Variants in PLPPR2 observed in about 807,000 individuals in gnomAD.
PLPPR2 encodes phospholipid phosphatase-related protein type 2.
Under a neutral mutation model 40.3 loss-of-function variants are expected in PLPPR2, and 11 were observed. That is an observed-to-expected ratio of 0.27 (90% CI 0.17 to 0.45). The LOEUF is 0.45. Among genes scored for constraint, PLPPR2 ranks in the 20% least tolerant of loss-of-function variants. The pLI is 1.00. For synonymous variants in PLPPR2, 260 were observed against 290.8 expected (o/e 0.89, Z 1.08); for missense variants, 497 against 640.7 (o/e 0.78, Z 2.42).
chr19:11,364,491 C>CGCCCACCCCCAGCCAGG lies in PLPPR2; in HGVS notation c.1165_1181dup (p.Ser395ProfsTer39). ...TTGCCCCTGCCCCTACCCCTGCCAG[C>CGCCCACCCCCAGCCAGG]GCCCACCCCCAGCCAGGGCCCCTCG... On this transcript the variant is annotated frameshift_variant, in exon 10 of 10. Coordinates refer to ENST00000688289, the MANE Select transcript of PLPPR2 (RefSeq NM_001393892.1). LOFTEE classifies it high-confidence loss of function. The surrounding 1 kb of genome is among the most constrained non-coding windows in gnomAD (Gnocchi z 5.8). 6.6e-7 allele frequency: 1 copy of CGCCCACCCCCAGCCAGG among 1,516,430 alleles called. No individual in the cohort carries two copies. Among genetic ancestry groups the CGCCCACCCCCAGCCAGG allele is most frequent in the Non-Finnish European group, 8.8e-7 (1 of 1,137,136 alleles). The allele number at this position is 1,516,430 out of a possible 1,614,324, so 93.9% of individuals were successfully genotyped here.
Position 11,361,183 on chromosome 19 carries a change from G to A in PLPPR2, c.392-34G>A. 1.3e-6 allele frequency: 2 copies of A among 1,567,042 alleles called. No individual in the cohort carries two copies. Reference sequence around the variant, plus strand: ...GGAATCAGTGGGAGCATCAGGGCCTGGCGCATGAACCCCTTCCACTATCCC... The same window carrying A: ...GGAATCAGTGGGAGCATCAGGGCCTAGCGCATGAACCCCTTCCACTATCCC... On this transcript the variant is annotated intron_variant, in intron 5 of 9. Transcript: ENST00000688289. The surrounding 1 kb of genome is among the most constrained non-coding windows in gnomAD (Gnocchi z 6.3).
At position 11,359,671 on chromosome 19, in the gene PLPPR2, T is replaced by C; in HGVS notation, c.206T>C (p.Val69Ala). 1 of 1,611,212 alleles carries C rather than the reference T, an allele frequency of 6.2e-7. No homozygotes were observed. Among genetic ancestry groups the C allele is most frequent in the Middle Eastern group, 1.7e-4 (1 of 6,048 alleles). The change falls in exon 4 of 10, where the codon GTG becomes GCG. Residue 69 changes from valine (V) to alanine (A), a missense_variant. Physicochemically the swap from Val to Ala is moderately conservative, Grantham distance 64. Transcript: ENST00000688289. This position sits in a 1 kb window ranked among gnomAD's most constrained non-coding sequence, Gnocchi z 5.6. ...PYPGPEAASR[V>A]PPALVYALVT... ...CCAGGGCCTGAGGCTGCCAGCCGAG[T>C]GCCTCCTGCTCTTGTCTACGCACTG...
intron 1 of PLPPR2, among the ~76,000 whole-genome samples, chr19:11,356,510 T>C (rs1479035863): frequency 6.6e-6 from 1 of 152,020 alleles, no homozygotes; most frequent in East Asian, 1.9e-4. Context: ...GAGCCCACTG[T>C]GTGTGAGTAT....
Position 11,363,932 on chromosome 19 carries a change from G to C in PLPPR2, c.963+97G>C, listed in dbSNP as rs1415771516. 6.9e-7 allele frequency: 1 copy of C among 1,450,278 alleles called. No individual in the cohort carries two copies. The highest frequency in any genetic ancestry group is 1.4e-5 in the African/African-American group (1 of 70,814). The allele number at this position is 1,450,278 out of a possible 1,614,324, so 89.8% of individuals were successfully genotyped here. ...AGTCAGGCAAGAGGTGGGGGTCTCA[G>C]AACCATGGGGAAGTGGAGGGATCAC... On this transcript the variant is annotated intron_variant, in intron 8 of 9. Coordinates refer to ENST00000688289, the MANE Select transcript of PLPPR2 (RefSeq NM_001393892.1). This position sits in a 1 kb window ranked among gnomAD's most constrained non-coding sequence, Gnocchi z 4.8.
Position 11,364,869 on chromosome 19 carries a change from C to T in PLPPR2, c.*179C>T, listed in dbSNP as rs941291935. The T allele has an allele frequency of 3.6e-5, 26 of 715,244 alleles. No homozygotes were observed. The highest frequency in any genetic ancestry group is 5.7e-5 in the Non-Finnish European group (25 of 435,082). 44.3% of individuals were successfully genotyped at this position (715,244 alleles called of 1,614,324 possible). ...TGCCTCTCTGGCCCTCTGAGATATC[C>T]CGATGGGCACAAATGGAAGGTGCGC... On this transcript the variant is annotated 3_prime_UTR_variant, in exon 10 of 10. Coordinates refer to ENST00000688289, the MANE Select transcript of PLPPR2 (RefSeq NM_001393892.1). The surrounding 1 kb of genome is among the most constrained non-coding windows in gnomAD (Gnocchi z 5.8).
chr19:11,363,677 C>T lies in PLPPR2; in HGVS notation c.841-36C>T. ...TTTACATGGCTCCTATGTGACTTGC[C>T]CCAGGCCTCAACACTCTCCTCTCCC... On this transcript the variant is annotated intron_variant, in intron 7 of 9. Transcript: ENST00000688289. This position sits in a 1 kb window ranked among gnomAD's most constrained non-coding sequence, Gnocchi z 4.8. 1 of 1,584,626 alleles carries T rather than the reference C, an allele frequency of 6.3e-7. No individual in the cohort carries two copies. Among genetic ancestry groups the T allele is most frequent in the African/African-American group, 1.3e-5 (1 of 74,100 alleles).
Position 11,362,390 on chromosome 19 carries a change from G to A in PLPPR2, c.664-123G>A. On this transcript the variant is annotated intron_variant, in intron 6 of 9. Transcript: ENST00000688289. This position sits in a 1 kb window ranked among gnomAD's most constrained non-coding sequence, Gnocchi z 5.3. ...CTGGGAGCCCATGACTCCAACCCTG[G>A]AGCCCCTGGCCACTCCCTCCAGCCC... 1 of 1,217,252 alleles carries A rather than the reference G, an allele frequency of 8.2e-7. No homozygotes were observed. The highest frequency in any genetic ancestry group is 1.2e-6 in the Non-Finnish European group (1 of 859,112). The allele number at this position is 1,217,252 out of a possible 1,614,324, so 75.4% of individuals were successfully genotyped here. A position where few individuals can be genotyped will look rare whatever the true frequency, so the allele number is the denominator to read the frequency against.
chr19:11,357,765 A>C lies in PLPPR2; in HGVS notation c.66+26A>C, dbSNP rs1967929723. 3.8e-6 allele frequency: 6 copies of C among 1,573,032 alleles called. No individual in the cohort carries two copies. The East Asian group carries it at 1.4e-4, about 36-fold the overall frequency. ...GTGAGGACCCCCGTACCTCTCCCAG[A>C]GACGGCGTGCCTATCTCTGTCTCTG... is the stretch of plus-strand genomic sequence containing the variant. On this transcript the variant is annotated intron_variant, in intron 3 of 9. Coordinates refer to ENST00000688289, the MANE Select transcript of PLPPR2 (RefSeq NM_001393892.1).
At position 11,364,531 on chromosome 19, in the gene PLPPR2, A is replaced by T. The variant is rs781698930; in HGVS notation, c.1200A>T (p.Gly400=). Residue 400 remains glycine, a synonymous_variant, in exon 10 of 10, where the codon GGA becomes GGT. Coordinates refer to ENST00000688289, the MANE Select transcript of PLPPR2 (RefSeq NM_001393892.1). The surrounding 1 kb of genome is among the most constrained non-coding windows in gnomAD (Gnocchi z 5.8). The stretch of plus-strand genomic sequence containing the variant: ...AGGGCCCCTCGCCTTCCTCCCCTGG[A>T]CCTGGGGGGCCAGGCGGGGGTGGTG... ...PSQGPSPSSP[G]PGGPGGGGGR... is the part of the protein sequence containing the mutation. 6.5e-7 allele frequency: 1 copy of T among 1,535,310 alleles called. No homozygotes were observed.
At position 11,363,726 on chromosome 19, in the gene PLPPR2, T is replaced by C; in HGVS notation, c.854T>C (p.Val285Ala). Residue 285 changes from valine (V) to alanine (A), a missense_variant, in exon 8 of 10, where the codon GTG (valine) becomes GCG (alanine). Val to Ala is a moderately conservative substitution (Grantham distance 64). Transcript: ENST00000688289. This position sits in a 1 kb window ranked among gnomAD's most constrained non-coding sequence, Gnocchi z 4.8. Reference protein sequence around the residue: ...AIATFLVTCVVHNFQSRPPSG... With the variant: ...AIATFLVTCVAHNFQSRPPSG... ...CCTCTATTCCAGGTCACCTGCGTTG[T>C]GCATAACTTTCAGAGCCGGCCACCC... 6.2e-7 allele frequency: 1 copy of C among 1,613,946 alleles called. No homozygotes were observed. Among genetic ancestry groups the C allele is most frequent in the South Asian group, 1.1e-5 (1 of 91,032 alleles).
intron 3 of PLPPR2, among the ~76,000 whole-genome samples, chr19:11,358,358 C>G (rs1967951287): frequency 6.6e-6 from 1 of 151,668 alleles, no homozygotes; most frequent in African/African-American, 2.4e-5. Flanking sequence ...GCCCGGCCTC[C>G]TAGGGCTGTT....
chr19:11,359,965 C>G lies in PLPPR2; in HGVS notation c.391+9C>G. The G allele has an allele frequency of 6.3e-7, 1 of 1,597,278 alleles. No individual in the cohort carries two copies. Among genetic ancestry groups the G allele is most frequent in the Middle Eastern group, 1.7e-4 (1 of 6,010 alleles). On this transcript the variant is annotated intron_variant, in intron 5 of 9. Coordinates refer to ENST00000688289, the MANE Select transcript of PLPPR2 (RefSeq NM_001393892.1). The surrounding 1 kb of genome is among the most constrained non-coding windows in gnomAD (Gnocchi z 5.6). ...GCTGGTCCGCTTCCTGGGTGAGAGA[C>G]ATGGCCTGGGGTCAGCCCCATGGTA...
chr19:11,361,111 G>A lies in PLPPR2; in HGVS notation c.392-106G>A. 1 of 1,404,562 alleles carries A rather than the reference G, an allele frequency of 7.1e-7. No individual in the cohort carries two copies. The allele number at this position is 1,404,562 out of a possible 1,614,324, so 87.0% of individuals were successfully genotyped here. ...TGTTGGCACAACTACAGGGTCCCAAGTGTGCTTTAATGACAGTCACAGGAA... is the reference window on the plus strand; with the variant it reads ...TGTTGGCACAACTACAGGGTCCCAAATGTGCTTTAATGACAGTCACAGGAA... On this transcript the variant is annotated intron_variant, in intron 5 of 9. Transcript: ENST00000688289. This position sits in a 1 kb window ranked among gnomAD's most constrained non-coding sequence, Gnocchi z 6.3.
rs1422269791 is a variant in PLPPR2, at chr19:11,359,648, A to G, written c.183A>G (p.Pro61=). 6.2e-7 allele frequency: 1 copy of G among 1,612,760 alleles called. No individual in the cohort carries two copies. Among genetic ancestry groups the G allele is most frequent in the Admixed American group, 1.7e-5 (1 of 59,810 alleles). ...ACAGTACCTACGCCAAGCCCTACCC[A>G]GGGCCTGAGGCTGCCAGCCGAGTGC... The part of the protein sequence containing the change: ...CYDSTYAKPY[P]GPEAASRVPP... Residue 61 remains proline, a synonymous_variant, in exon 4 of 10, where the codon CCA becomes CCG. Transcript: ENST00000688289. The surrounding 1 kb of genome is among the most constrained non-coding windows in gnomAD (Gnocchi z 5.6).
chr19:11,361,568 G>A lies in PLPPR2; in HGVS notation c.663+80G>A, dbSNP rs1353352090. 5.9e-6 allele frequency: 9 copies of A among 1,520,662 alleles called. No individual in the cohort carries two copies. Among genetic ancestry groups the A allele is most frequent in the Admixed American group, 1.9e-5 (1 of 51,442 alleles). 94.2% of individuals were successfully genotyped at this position (1,520,662 alleles called of 1,614,324 possible). ...AGCAGCTAGGAAGCCGCCAGGGTTG[G>A]AGCCTCTGCTCTTCCACGCCCCGGG... On this transcript the variant is annotated intron_variant, in intron 6 of 9. Transcript: ENST00000688289. The surrounding 1 kb of genome is among the most constrained non-coding windows in gnomAD (Gnocchi z 6.3).
rs373730403 is a variant in PLPPR2 at position 11,361,320 on chromosome 19, C to A, written c.495C>A (p.Asn165Lys). ...TPHFLSVCRP[N>K]YTALGCLPPS... The stretch of plus-strand genomic sequence containing the variant: ...ACTTCCTGTCCGTGTGCCGCCCCAA[C>A]TACACGGCCCTGGGCTGCCTGCCAC... Residue 165 changes from asparagine to lysine, a missense_variant, in exon 6 of 10, where the codon AAC (asparagine) becomes AAA (lysine). Physicochemically the swap from Asn to Lys is moderately conservative, Grantham distance 94. Coordinates refer to ENST00000688289, the MANE Select transcript of PLPPR2 (RefSeq NM_001393892.1). This position sits in a 1 kb window ranked among gnomAD's most constrained non-coding sequence, Gnocchi z 6.3. 6.2e-7 allele frequency: 1 copy of A among 1,613,724 alleles called. No individual in the cohort carries two copies. The highest frequency in any genetic ancestry group is 1.3e-5 in the African/African-American group (1 of 75,044).
At position 11,363,744 on chromosome 19, in the gene PLPPR2, G is replaced by A. The variant is rs149978737; in HGVS notation, c.872G>A (p.Arg291Gln). 1,202 of 1,614,032 alleles carry A rather than the reference G, an allele frequency of 7.4e-4. 1 individual carries two copies. Among genetic ancestry groups the A allele is most frequent in the Non-Finnish European group, 8.6e-4 (1,016 of 1,179,952 alleles). Residue 291 changes from arginine (R) to glutamine (Q), a missense_variant, in exon 8 of 10, where the codon CGG becomes CAG. By Grantham distance (43) the Arg-to-Gln change is conservative. Coordinates refer to ENST00000688289, the MANE Select transcript of PLPPR2 (RefSeq NM_001393892.1). The surrounding 1 kb of genome is among the most constrained non-coding windows in gnomAD (Gnocchi z 4.8). ...VTCVVHNFQS[R>Q]PPSGRRLSPW... The stretch of plus-strand genomic sequence containing the variant: ...TGCGTTGTGCATAACTTTCAGAGCC[G>A]GCCACCCTCTGGCCGAAGGCTCTCT...
In PLPPR2 at chr19:11,362,332, T is replaced by TGGG; in HGVS notation, c.664-180_664-179insGGG. The TGGG allele has an allele frequency of 4.8e-6, 2 of 416,768 alleles. No individual in the cohort carries two copies. The highest frequency in any genetic ancestry group is 8.9e-6 in the Non-Finnish European group (2 of 224,274). 25.8% of individuals were successfully genotyped at this position (416,768 alleles called of 1,614,324 possible). ...CCTCAATCCCTGACCCCCCCCCCTTTGCCTTTTTGGTCACGCTCCCTGGAA... is the reference window on the plus strand; with the variant it reads ...CCTCAATCCCTGACCCCCCCCCCTTTGGGGCCTTTTTGGTCACGCTCCCTGGAA... On this transcript the variant is annotated intron_variant, in intron 6 of 9. Transcript: ENST00000688289. This position sits in a 1 kb window ranked among gnomAD's most constrained non-coding sequence, Gnocchi z 5.3.
chr19:11,361,620 C>A lies in PLPPR2; in HGVS notation c.663+132C>A. 1.6e-6 allele frequency: 2 copies of A among 1,278,356 alleles called. No individual in the cohort carries two copies. Among genetic ancestry groups the A allele is most frequent in the Non-Finnish European group, 1.1e-6 (1 of 951,052 alleles). 79.2% of individuals were successfully genotyped at this position (1,278,356 alleles called of 1,614,324 possible). On this transcript the variant is annotated intron_variant, in intron 6 of 9. Coordinates refer to ENST00000688289, the MANE Select transcript of PLPPR2 (RefSeq NM_001393892.1). This position sits in a 1 kb window ranked among gnomAD's most constrained non-coding sequence, Gnocchi z 6.3. Reference sequence around the variant, plus strand: ...GCTGTTGGAAGCTCTCGCTCCACGCCCCGACCTGTTGGAAGCTCTCCCTCC... The same window carrying A: ...GCTGTTGGAAGCTCTCGCTCCACGCACCGACCTGTTGGAAGCTCTCCCTCC...
Sources: allele counts gnomAD v4.1 joint callset (sites outside exome capture counted in the v4.1 genomes callset), GRCh38; gene constraint gnomAD v4.1.1; non-coding constraint Gnocchi (gnomAD v3.1); transcripts MANE v1.5; gene names NCBI Gene and HGNC (gene_info 2026-07-23, HGNC 2026-07-21).